Variants in ATP10A observed in about 807,000 individuals in gnomAD.
The protein encoded by ATP10A is phospholipid-transporting ATPase VA.
Under a neutral mutation model 147.8 loss-of-function variants are expected in ATP10A, and 111 were observed. That is an observed-to-expected ratio of 0.75 (90% confidence interval 0.64 to 0.88). The LOEUF is 0.88. ATP10A is among the 40% of genes least tolerant of loss of function. ATP10A has a pLI of 0.00. For synonymous variants in ATP10A, 875 were observed against 841.6 expected (o/e 1.04, Z -0.69); for missense variants, 1,927 against 1,959.0 (o/e 0.98, Z 0.31).
intron 1 of ATP10A, among the ~76,000 whole-genome samples, chr15:25,798,152 T>C (rs1890769954): frequency 6.6e-6 from 1 of 152,130 alleles, no homozygotes; most frequent in East Asian, 1.9e-4. Flanking sequence ...TCAGCTTCAC[T>C]GACATAGGCA....
intron 3 of ATP10A, among the ~76,000 whole-genome samples, chr15:25,734,734 C>T (rs746220215): frequency 2.0e-4 from 30 of 152,144 alleles, no homozygotes; most frequent in Admixed American, 9.8e-4. Context: ...TTAATGCTAT[C>T]GGTGTCTGAT....
chr15:25,804,307 GTGTC>G (rs955697329), intron 1 of ATP10A, among the ~76,000 whole-genome samples: 5 of 151,378 alleles, frequency 3.3e-5, no homozygotes, highest in African/African-American at 7.3e-5. Context: ...GTGTTCGTGT[GTGTC>G]TAATTGTGCT....
chr15:25,805,119 C>T (rs1210314536), intron 1 of ATP10A, among the ~76,000 whole-genome samples: 6 of 152,192 alleles, frequency 3.9e-5, no homozygotes, highest in Admixed American at 1.3e-4. Flanking sequence ...CATCCACACA[C>T]GGGGCCCCGG....
chr15:25,812,927 G>C (rs1343699574), intron 1 of ATP10A, among the ~76,000 whole-genome samples: 4 of 152,196 alleles, frequency 2.6e-5, no homozygotes, highest in African/African-American at 9.6e-5. Context: ...TTTAGACACA[G>C]GAATGAAGGA....
At chr15:25,823,906 A>G (rs981479784) in intron 1 of ATP10A, among the ~76,000 whole-genome samples, 1 of 152,056 alleles carries the variant, frequency 6.6e-6, no homozygotes, top group African/African-American at 2.4e-5. Context: ...GAGAGTAAAC[A>G]TATTAGGCTC....
intron 2 of ATP10A, 115 bp downstream of exon 2, chr15:25,780,904 A>G (rs1889886928): frequency 8.2e-7 from 1 of 1,214,994 alleles, no homozygotes; most frequent in East Asian, 2.4e-5. Context: ...CTACTAGGAA[A>G]AACAGCCTGG....
intron 1 of ATP10A, among the ~76,000 whole-genome samples, chr15:25,794,279 A>G (rs887316659): frequency 6.6e-6 from 1 of 152,092 alleles, no homozygotes; most frequent in African/African-American, 2.4e-5. Context: ...CCTTACTAAC[A>G]TCACCCTGCC....
intron 18 of ATP10A, 37 bp from the exon 19 acceptor site, chr15:25,680,951 G>C (rs778814293): frequency 6.2e-7 from 1 of 1,612,886 alleles, no homozygotes; most frequent in Non-Finnish European, 8.5e-7. Flanking sequence ...GTAGGTCCCC[G>C]GATCCAGCTG....
chr15:25,744,332 G>GTCTGTGTGTGCACATGTA (rs1387580313), intron 2 of ATP10A, among the ~76,000 whole-genome samples: 3 of 152,112 alleles, frequency 2.0e-5, no homozygotes, highest in Admixed American at 2.0e-4. Context: ...ATATATGTGT[G>GTCTGTGTGTGCACATGTA]TCTGTGTGTG....
chr15:25,815,849 A>C (rs1891632104), intron 1 of ATP10A, among the ~76,000 whole-genome samples: 1 of 152,114 alleles, frequency 6.6e-6, no homozygotes, highest in Non-Finnish European at 1.5e-5. Flanking sequence ...TGCTTTATAT[A>C]GAGTATCTTT....
At chr15:25,811,364 C>T (rs574939924) in intron 1 of ATP10A, among the ~76,000 whole-genome samples, 2 of 152,080 alleles carry the variant, frequency 1.3e-5, no homozygotes, top group African/African-American at 4.8e-5. Context: ...GAAGGATCCC[C>T]AAAGACATAA....
Position 25,862,823 on chromosome 15 carries a change from C to T in ATP10A, c.274G>A (p.Val92Ile). 1 of 1,610,220 alleles carries T rather than the reference C, an allele frequency of 6.2e-7. No homozygotes were observed. Among genetic ancestry groups the T allele is most frequent in the East Asian group, 2.2e-5 (1 of 44,708 alleles). Reference sequence around the variant, plus strand: ...ACGAAGTTGAGCAGCGCGATGAAGACAAAGTACACGTTGGCCGGGCGGTGG... The same window carrying T: ...ACGAAGTTGAGCAGCGCGATGAAGATAAAGTACACGTTGGCCGGGCGGTGG... ...QFHRPANVYFVFIALLNFVPA... is the reference protein window; with the variant it reads ...QFHRPANVYFIFIALLNFVPA... The change falls in exon 1 of 21, where the codon GTC becomes ATC. Residue 92 changes from valine to isoleucine, a missense_variant. Val to Ile is a conservative substitution (Grantham distance 29, BLOSUM62 3). Transcript: ENST00000555815.
intron 3 of ATP10A, among the ~76,000 whole-genome samples, chr15:25,731,153 T>C (rs1272800686): frequency 6.6e-6 from 1 of 152,210 alleles, no homozygotes; most frequent in Non-Finnish European, 1.5e-5. Flanking sequence ...ATGCAGCTGG[T>C]GCTCGTGCCG....
chr15:25,811,904 AC>A (rs1466311337), intron 1 of ATP10A, among the ~76,000 whole-genome samples: 2 of 151,918 alleles, frequency 1.3e-5, no homozygotes, highest in Non-Finnish European at 2.9e-5. Context: ...GCTCACACCC[AC>A]CCCGATGCCA....
Position 25,727,253 on chromosome 15 carries a change from C to T in ATP10A, c.754G>A (p.Gly252Arg), listed in dbSNP as rs780276499. Residue 252 changes from glycine to arginine, a missense_variant, in exon 4 of 21, where the codon GGG (glycine) becomes AGG (arginine). Coordinates refer to ENST00000555815, the MANE Select transcript of ATP10A (RefSeq NM_024490.4). ...TCTTTATACAGCCCGGCCTTTTTCC[C>T]GTTGTCATGTATGCTGTAGAGGGAC... ...RFRGCIIHDN[G>R]KKAGLYKENL... The T allele has an allele frequency of 3.7e-6, 6 of 1,613,782 alleles. No homozygotes were observed. Among genetic ancestry groups the T allele is most frequent in the East Asian group, 2.2e-5 (1 of 44,876 alleles).
chr15:25,781,108 G>A lies in ATP10A; in HGVS notation c.565C>T (p.Pro189Ser). 6.2e-7 allele frequency: 1 copy of A among 1,614,204 alleles called. No homozygotes were observed. The highest frequency in any genetic ancestry group is 8.5e-7 in the Non-Finnish European group (1 of 1,180,048). The change falls in exon 2 of 21, where the codon CCC (proline) becomes TCC (serine). Residue 189 changes from proline to serine, a missense_variant. Transcript: ENST00000555815. ...GTCTCGATGTGGCATAGCCCGTCGG[G>A]GTCACTGGAGGAGAGCAGCAGAATG... ...ADILLLSSSD[P>S]DGLCHIETAN...
chr15:25,788,253 T>C (rs1890259624), intron 1 of ATP10A, among the ~76,000 whole-genome samples: 1 of 152,236 alleles, frequency 6.6e-6, no homozygotes, highest in African/African-American at 2.4e-5. Context: ...TGGCCACTAC[T>C]TTCATTTAGG....
intron 2 of ATP10A, among the ~76,000 whole-genome samples, chr15:25,775,496 G>T (rs1392343550): frequency 6.6e-6 from 1 of 152,178 alleles, no homozygotes; most frequent in East Asian, 1.9e-4. Flanking sequence ...GACTGTGAAG[G>T]TACGTGTTTA....
intron 1 of ATP10A, among the ~76,000 whole-genome samples, chr15:25,790,929 G>C (rs1017299557): frequency 6.6e-6 from 1 of 152,088 alleles, no homozygotes; most frequent in South Asian, 2.1e-4. Context: ...GGCCGGAGTT[G>C]TGCGCTCCTT....
Sources: gnomAD v4.1 joint callset for allele counts (sites outside exome capture counted in the v4.1 genomes callset) on GRCh38, gnomAD v4.1.1 for gene constraint, MANE v1.5 for transcripts, NCBI Gene and HGNC (gene_info 2026-07-23, HGNC 2026-07-21) for gene names.